The following PLEKHA8 variants were observed in gnomAD, a reference collection of about 807,000 sequenced individuals.
PLEKHA8 encodes pleckstrin homology domain-containing family A member 8.
Under a neutral mutation model 68.2 loss-of-function variants are expected in PLEKHA8, and 36 were observed. The observed-to-expected ratio is 0.53, with a 90% CI of 0.40 to 0.70. The LOEUF is 0.70. Among genes scored for constraint, PLEKHA8 ranks in the 30% least tolerant of loss-of-function variants. PLEKHA8 has a pLI of 0.00. For missense variants in PLEKHA8, 505 were observed against 615.4 expected (o/e 0.82, Z 1.90); for synonymous variants, 211 against 216.1 (o/e 0.98, Z 0.20).
intron 13 of PLEKHA8, among the ~76,000 whole-genome samples, chr7:30,116,278 G>C (rs907816165): frequency 1.3e-5 from 2 of 150,846 alleles, no homozygotes; most frequent in African/African-American, 4.9e-5. Flanking sequence ...ATGTATGTAT[G>C]TATACATGTA....
intron 5 of PLEKHA8, 45 bp from the exon 6 acceptor site, chr7:30,050,389 T>A: frequency 6.5e-7 from 1 of 1,543,572 alleles, no homozygotes; most frequent in South Asian, 1.2e-5. Context: ...TATGCTCTGT[T>A]CAAAGTTTAA....
intron 13 of PLEKHA8, among the ~76,000 whole-genome samples, chr7:30,125,673 T>A (rs926447454): frequency 6.6e-6 from 1 of 152,244 alleles, no homozygotes. Context: ...CACAGTCTTA[T>A]ATTTTTAATT....
At position 30,078,822 on chromosome 7, in the gene PLEKHA8, T is replaced by A; in HGVS notation, c.*35T>A. 6.2e-7 allele frequency: 1 copy of A among 1,604,670 alleles called. No homozygotes were observed. ...GGCAGCACCTCCTAACTTCAGGGAA[T>A]AAGTGCTAAAGTGTTTTGTTGCCCT... On this transcript the variant is annotated 3_prime_UTR_variant, in exon 14 of 14. Coordinates refer to ENST00000449726, the MANE Select transcript of PLEKHA8 (RefSeq NM_001197026.2).
At chr7:30,037,019 G>C (rs538352296) in intron 1 of PLEKHA8, among the ~76,000 whole-genome samples, 8 of 152,290 alleles carry the variant, frequency 5.3e-5, no homozygotes, top group African/African-American at 9.6e-5. Flanking sequence ...GAAGCTGAGT[G>C]GGGGAGGGCT....
intron 13 of PLEKHA8, among the ~76,000 whole-genome samples, chr7:30,103,211 A>T (rs1184688707): frequency 6.6e-6 from 1 of 152,282 alleles, no homozygotes; most frequent in Admixed American, 6.5e-5. Context: ...TGTGCATAAG[A>T]AATGATGCAC....
At chr7:30,116,274 G>A (rs1471144839) in intron 13 of PLEKHA8, among the ~76,000 whole-genome samples, 2 of 151,024 alleles carry the variant, frequency 1.3e-5, no homozygotes, top group East Asian at 2.0e-4. Flanking sequence ...ATACATGTAT[G>A]TATGTATACA....
Position 30,115,792 on chromosome 7 carries a change from ACATACATGTATACACGCATGCATGT to A in PLEKHA8, c.1363-13473_1363-13449del, listed in dbSNP as rs1796456414. 4.1e-5 allele frequency: 6 copies of A among 145,716 alleles called. No individual in the cohort carries two copies. The South Asian group carries it at 1.3e-3, about 31-fold the overall frequency. The allele number at this position is 145,716 out of a possible 1,614,324, so 9.0% of individuals were successfully genotyped here. Reference sequence around the variant, plus strand: ...CACGTATGCATGCATACATACGTGCACATACATGTATACACGCATGCATGTATACATGCGTGCACATACATGTATA... The same window carrying A: ...CACGTATGCATGCATACATACGTGCAATACATGCGTGCACATACATGTATA... On this transcript the variant is annotated intron_variant, in intron 13 of 13. Transcript: ENST00000396257.
intron 13 of PLEKHA8, among the ~76,000 whole-genome samples, chr7:30,103,160 C>T (rs544899110): frequency 3.3e-5 from 5 of 152,104 alleles, no homozygotes; most frequent in South Asian, 2.1e-4. Context: ...ATTTCTGTTT[C>T]GAATAACAAA....
chr7:30,043,754 G>C (rs1791725603), intron 1 of PLEKHA8, among the ~76,000 whole-genome samples: 1 of 152,146 alleles, frequency 6.6e-6, no homozygotes, highest in Non-Finnish European at 1.5e-5. Flanking sequence ...GGCTGGGGGT[G>C]CTCCAGGAAG....
At chr7:30,030,111 A>G (rs912732092) in intron 1 of PLEKHA8, among the ~76,000 whole-genome samples, 22 of 152,180 alleles carry the variant, frequency 1.4e-4, no homozygotes, top group Non-Finnish European at 1.0e-4. Flanking sequence ...TGCTAACCTA[A>G]GGGGAGGAGG....
chr7:30,085,216 A>C (rs1434499122), downstream of PLEKHA8, among the ~76,000 whole-genome samples: 2 of 152,094 alleles, frequency 1.3e-5, no homozygotes, highest in Non-Finnish European at 2.9e-5. Context: ...TGGGATTACA[A>C]CTTGAGCCAC....
At chr7:30,036,424 A>ATAGG (rs1447556327) in intron 1 of PLEKHA8, among the ~76,000 whole-genome samples, 1 of 144,256 alleles carries the variant, frequency 6.9e-6, no homozygotes, top group African/African-American at 2.7e-5. Flanking sequence ...AGATAGATAG[A>ATAGG]TAGATAGATA....
chr7:30,095,649 T>C (rs1795585451), downstream of PLEKHA8, among the ~76,000 whole-genome samples: 5 of 152,274 alleles, frequency 3.3e-5, 1 homozygote, highest in South Asian at 1.0e-3. Context: ...AGGGTTTTTA[T>C]GGTTTTAGGT....
At chr7:30,054,989 A>G (rs1562868304) in intron 8 of PLEKHA8, 124 bp downstream of exon 8, 4 of 967,354 alleles carry the variant, frequency 4.1e-6, no homozygotes, top group East Asian at 5.0e-5. Context: ...TATACCAAGT[A>G]CCTGCTTTAC....
chr7:30,091,259 CTT>C (rs572121473), downstream of PLEKHA8, among the ~76,000 whole-genome samples: 9 of 144,250 alleles, frequency 6.2e-5, no homozygotes, highest in African/African-American at 1.5e-4. Flanking sequence ...TTGTTTTACT[CTT>C]TTTTTTTTTT....
At chr7:30,088,145 A>C (rs1166592035), downstream of PLEKHA8, among the ~76,000 whole-genome samples, 1 of 152,252 alleles carries the variant, frequency 6.6e-6, no homozygotes, top group Non-Finnish European at 1.5e-5. Flanking sequence ...ATACACTTCT[A>C]TTCCCTCCTG....
chr7:30,091,888 A>T, downstream of PLEKHA8, among the ~76,000 whole-genome samples: 1 of 152,242 alleles, frequency 6.6e-6, no homozygotes, highest in East Asian at 1.9e-4. Context: ...GCATTAGCTT[A>T]TGCTGATCAA....
At chr7:30,035,791 C>T (rs2127960656) in intron 1 of PLEKHA8, among the ~76,000 whole-genome samples, 1 of 151,996 alleles carries the variant, frequency 6.6e-6, no homozygotes, top group Admixed American at 6.5e-5. Context: ...TTACAGGCGC[C>T]TGCCACCAAG....
chr7:30,068,573 A>C (rs547121613), intron 12 of PLEKHA8, among the ~76,000 whole-genome samples: 1 of 150,604 alleles, frequency 6.6e-6, no homozygotes, highest in African/African-American at 2.4e-5. Flanking sequence ...TTCTTTATCA[A>C]CTCCTGGGAG....
Sources: allele counts gnomAD v4.1 joint callset (sites outside exome capture counted in the v4.1 genomes callset), GRCh38; gene constraint gnomAD v4.1.1; transcripts MANE v1.5; gene names NCBI Gene and HGNC (gene_info 2026-07-23, HGNC 2026-07-21).